Variants in SYNE2 observed in about 807,000 individuals in gnomAD.
The protein encoded by SYNE2 is spectrin repeat containing nuclear envelope protein 2, also known as nesprin-2.
A neutral mutation model predicts 856.3 loss-of-function variants in SYNE2; 431 were observed. That is an observed-to-expected ratio of 0.50 (90% CI 0.47 to 0.55). The LOEUF (loss-of-function observed/expected upper bound fraction) is 0.55. Ranked by LOEUF, SYNE2 falls within the 20% of genes least tolerant of loss-of-function variation. The probability of loss-of-function intolerance (pLI) is 0.00; values close to 1 mark genes in which losing one functional copy is unlikely to be tolerated. For missense variants in SYNE2, 8,129 were observed against 8,023.2 expected (o/e 1.01, Z -0.50); for synonymous variants, 2,923 against 2,872.3 (o/e 1.02, Z -0.56).
intron 1 of SYNE2, among the ~76,000 whole-genome samples, chr14:63,854,296 C>G (rs951288961): frequency 6.6e-6 from 1 of 151,804 alleles, no homozygotes; most frequent in Non-Finnish European, 1.5e-5. Context: ...TTGGGGAATA[C>G]AATTAAACCA....
chr14:64,208,009 A>G (rs1466275201), intron 100 of SYNE2: 1 of 456,030 alleles, frequency 2.2e-6, no homozygotes, highest in East Asian at 6.9e-5. Flanking sequence ...TAAAAATGCC[A>G]TGTTTATTCG....
chr14:64,084,837 G>A (rs1255954), intron 57 of SYNE2: 505,871 of 633,276 alleles, frequency 0.8, 207,639 homozygotes, highest in Non-Finnish European at 0.86. Context: ...ATGAGAATGC[G>A]GTCAAGGTGT....
At chr14:64,064,778 TC>T (rs1415373386) in intron 50 of SYNE2, among the ~76,000 whole-genome samples, 28 of 152,048 alleles carry the variant, frequency 1.8e-4, no homozygotes, top group Admixed American at 1.6e-3. Flanking sequence ...TGTCTTGAAT[TC>T]CTAGCCTCAA....
At chr14:63,765,986 C>T (rs1231845888) in intron 1 of SYNE2, among the ~76,000 whole-genome samples, 1 of 151,890 alleles carries the variant, frequency 6.6e-6, no homozygotes, top group Non-Finnish European at 1.5e-5. Flanking sequence ...ACCTGGGTGA[C>T]AGAGCAAGAC....
In SYNE2 at chr14:64,070,913, A is replaced by T. The variant is rs1302763593; in HGVS notation, c.10697+3A>T. ...TCTATGAAAGAACGATGCAACAAGT[A>T]AGATTTATGAAAAACTATTAAGGAC... On this transcript the variant is annotated splice_donor_region_variant and intron_variant, in intron 52 of 115. Coordinates refer to ENST00000555002, the MANE Select transcript of SYNE2 (RefSeq NM_182914.3). The T allele has an allele frequency of 8.7e-6, 14 of 1,614,046 alleles. No individual in the cohort carries two copies. Among genetic ancestry groups the T allele is most frequent in the Non-Finnish European group, 1.2e-5 (14 of 1,179,880 alleles).
intron 50 of SYNE2, 29 bp from the exon 51 acceptor site, chr14:64,065,403 C>T: frequency 6.3e-7 from 1 of 1,596,106 alleles, no homozygotes; most frequent in Non-Finnish European, 8.6e-7. Flanking sequence ...TAGTATGTCC[C>T]TCTTATTTTT....
chr14:63,847,199 C>A (rs1039342693), intron 1 of SYNE2, among the ~76,000 whole-genome samples: 1 of 151,370 alleles, frequency 6.6e-6, no homozygotes, highest in African/African-American at 2.4e-5. Context: ...AGTACCAGTA[C>A]TTTGAGAGGC....
At chr14:63,836,843 C>T (rs117216525) in intron 1 of SYNE2, among the ~76,000 whole-genome samples, 8,385 of 152,246 alleles carry the variant, frequency 0.055, 319 homozygotes, top group Middle Eastern at 0.12. Context: ...AACATTACAG[C>T]GAATTCTCAT....
chr14:64,038,026 G>C (rs1381190127), intron 45 of SYNE2, among the ~76,000 whole-genome samples: 2 of 113,262 alleles, frequency 1.8e-5, no homozygotes, highest in East Asian at 5.2e-4. Context: ...CCAGGCGGAG[G>C]GGCTCCTCAC....
In SYNE2 at chr14:63,980,648, T is replaced by C; in HGVS notation, c.1570-6T>C. 1.3e-6 allele frequency: 2 copies of C among 1,573,978 alleles called. No individual in the cohort carries two copies. Among genetic ancestry groups the C allele is most frequent in the Non-Finnish European group, 1.7e-6 (2 of 1,144,450 alleles). ...ACTGTCAATATGTTTTTTGTTTTCT[T>C]CCCAGAAATTTATTGAAGAAAAAGA... On this transcript the variant is annotated splice_region_variant and splice_polypyrimidine_tract_variant and intron_variant, in intron 14 of 115. Transcript: ENST00000555002.
intron 1 of SYNE2, among the ~76,000 whole-genome samples, chr14:63,878,618 C>T (rs2094783729): frequency 6.6e-6 from 1 of 152,206 alleles, no homozygotes; most frequent in Non-Finnish European, 1.5e-5. Context: ...TCTCAACTCA[C>T]TGCAGCTTTC....
intron 100 of SYNE2, among the ~76,000 whole-genome samples, chr14:64,204,148 A>G (rs1419691756): frequency 6.6e-6 from 1 of 152,200 alleles, no homozygotes; most frequent in African/African-American, 2.4e-5. Flanking sequence ...TAGCCTTGGA[A>G]CTTTAAGCAT....
intron 1 of SYNE2, among the ~76,000 whole-genome samples, chr14:63,762,616 A>G (rs1307873289): frequency 1.4e-5 from 2 of 144,492 alleles, no homozygotes; most frequent in Non-Finnish European, 3.0e-5. Context: ...TTTTTTAATA[A>G]ATTGAGACAG....
At chr14:64,051,250 A>G (rs2097223390) in intron 47 of SYNE2, among the ~76,000 whole-genome samples, 1 of 151,628 alleles carries the variant, frequency 6.6e-6, no homozygotes, top group Non-Finnish European at 1.5e-5. Context: ...TTTTATGTAC[A>G]TTCTTCCCTT....
At chr14:64,035,385 T>A (rs1472310707) in intron 45 of SYNE2, among the ~76,000 whole-genome samples, 1 of 152,180 alleles carries the variant, frequency 6.6e-6, no homozygotes, top group Non-Finnish European at 1.5e-5. Context: ...GAGCACATAG[T>A]TGGGCCATGT....
chr14:63,995,892 AG>A (rs2096710696), intron 23 of SYNE2, among the ~76,000 whole-genome samples: 1 of 152,158 alleles, frequency 6.6e-6, no homozygotes, highest in Non-Finnish European at 1.5e-5. Flanking sequence ...CTTTTGAAGA[AG>A]GGGTCTCCAC....
At chr14:63,905,248 C>T (rs1201780964) in intron 1 of SYNE2, among the ~76,000 whole-genome samples, 2 of 152,076 alleles carry the variant, frequency 1.3e-5, no homozygotes, top group East Asian at 1.9e-4. Context: ...AGTGTGATGG[C>T]TCTGGCTTTG....
intron 1 of SYNE2, chr14:63,864,511 T>C (rs1894678178): frequency 6.6e-6 from 1 of 152,204 alleles, no homozygotes; most frequent in Non-Finnish European, 1.5e-5. Flanking sequence ...TGTCTTGCAG[T>C]CGGTCATGTG....
rs1452643769 is a variant in SYNE2, at chr14:64,138,919, TGTGTGTGTGTGTGTGTGTGTATGTATG to T, written c.14843+957_14844-975del. Reference sequence around the variant, plus strand: ...AGCTTATACAAATGCTGGTTGTGTGTGTGTGTGTGTGTGTGTGTGTATGTATGGTGTGTGTGTGTGTGTGTGTGTGTG... The same window carrying T: ...AGCTTATACAAATGCTGGTTGTGTGTGTGTGTGTGTGTGTGTGTGTGTGTG... On this transcript the variant is annotated intron_variant, in intron 79 of 115. Coordinates refer to ENST00000555002, the MANE Select transcript of SYNE2 (RefSeq NM_182914.3). Among the ~76,000 whole-genome samples the T allele has an allele frequency of 8.7e-4, 126 of 145,102 alleles. 1 individual carries two copies. In the East Asian group the frequency reaches 0.012, roughly 13 times the overall value.
Sources: allele counts gnomAD v4.1 joint callset (sites outside exome capture counted in the v4.1 genomes callset), GRCh38; gene constraint gnomAD v4.1.1; transcripts MANE v1.5; gene names NCBI Gene and HGNC (gene_info 2026-07-23, HGNC 2026-07-21).